The following BCAR3 variants were observed in gnomAD, a reference collection of about 807,000 sequenced individuals.
BCAR3 encodes the protein BCAR3 adaptor protein, NSP family member.
In BCAR3, 37 loss-of-function variants were observed where a neutral mutation model predicts 80.1. That is an observed-to-expected ratio of 0.46 (90% confidence interval 0.36 to 0.61). BCAR3 has a LOEUF of 0.61. Ranked by LOEUF, BCAR3 falls within the 20% of genes least tolerant of loss-of-function variation. The probability of loss-of-function intolerance (pLI) is 0.00; values close to 1 mark genes in which losing one functional copy is unlikely to be tolerated. For synonymous variants in BCAR3, 389 were observed against 418.9 expected, an observed-to-expected ratio of 0.93 and a Z score of 0.87; for missense variants, 978 against 1,068.2, an observed-to-expected ratio of 0.92 and a Z score of 1.18.
chr1:93,563,053 T>G (rs764461072), intron 11 of BCAR3, among the ~76,000 whole-genome samples: 1 of 152,218 alleles, frequency 6.6e-6, no homozygotes, highest in Non-Finnish European at 1.5e-5. Flanking sequence ...AGTTCGTTAC[T>G]TGTTTTTACC....
chr1:93,722,782 C>A lies in BCAR3; in HGVS notation c.-62-16640G>T, dbSNP rs192074918. Among the ~76,000 whole-genome samples, 247 of 152,214 alleles carry A rather than the reference C, an allele frequency of 1.6e-3. 3 individuals carry two copies. The Middle Eastern group carries it at 0.031, about 19-fold the overall frequency. ...GTGCTTTGATTGCTGACAAGGGCCG[C>A]AGACCCTCTAGTCAGGCGAACAGGC... On this transcript the variant is annotated intron_variant, in intron 2 of 13. Transcript: ENST00000370244.
intron 3 of BCAR3, among the ~76,000 whole-genome samples, chr1:93,614,470 G>T (rs1675045754): frequency 6.6e-6 from 1 of 151,940 alleles, no homozygotes; most frequent in African/African-American, 2.4e-5. Context: ...AAAGGAGGTG[G>T]CCTAAAAGTG....
At chr1:93,568,898 C>A (rs1356277792) in intron 9 of BCAR3, among the ~76,000 whole-genome samples, 1 of 152,186 alleles carries the variant, frequency 6.6e-6, no homozygotes, top group African/African-American at 2.4e-5. Flanking sequence ...TCACAGCTCA[C>A]TGTAGCCTCA....
chr1:93,678,015 A>T (rs556084371), intron 1 of BCAR3, among the ~76,000 whole-genome samples: 1 of 152,186 alleles, frequency 6.6e-6, no homozygotes, highest in Non-Finnish European at 1.5e-5. Flanking sequence ...CTTCAAGCCT[A>T]TAAGGACCAA....
intron 2 of BCAR3, among the ~76,000 whole-genome samples, chr1:93,778,609 G>C (rs920496828): frequency 6.6e-6 from 1 of 151,760 alleles, no homozygotes; most frequent in Non-Finnish European, 1.5e-5. Flanking sequence ...TCTAACGCTT[G>C]TTGCAGCCCT....
intron 3 of BCAR3, among the ~76,000 whole-genome samples, chr1:93,618,937 T>TG (rs1191944030): frequency 3.3e-4 from 48 of 147,426 alleles, no homozygotes; most frequent in African/African-American, 3.1e-4. Flanking sequence ...TTTTTTTTTT[T>TG]TGTTTTTTTT....
chr1:93,765,917 G>A (rs931879247), intron 2 of BCAR3, among the ~76,000 whole-genome samples: 9 of 151,962 alleles, frequency 5.9e-5, no homozygotes, highest in South Asian at 2.1e-4. Flanking sequence ...CACCCACCTC[G>A]GCCTCCCTAA....
intron 3 of BCAR3, among the ~76,000 whole-genome samples, chr1:93,630,946 ACCGGG>A (rs1197905331): frequency 2.0e-5 from 3 of 152,220 alleles, no homozygotes; most frequent in Non-Finnish European, 4.4e-5. Flanking sequence ...AACGGCTAAA[ACCGGG>A]CTCTGGATTT....
intron 3 of BCAR3, chr1:93,614,138 C>T: frequency 7.4e-7 from 1 of 1,352,126 alleles, no homozygotes; most frequent in Non-Finnish European, 9.5e-7. Context: ...GATCCACTCG[C>T]TCAATTCTCG....
chr1:93,729,426 T>G (rs1557668521), intron 2 of BCAR3, among the ~76,000 whole-genome samples: 2 of 152,188 alleles, frequency 1.3e-5, no homozygotes, highest in South Asian at 2.1e-4. Flanking sequence ...CTACTGGAAT[T>G]ACGGGTTCTA....
intron 2 of BCAR3, among the ~76,000 whole-genome samples, chr1:93,759,329 G>A (rs941240580): frequency 1.3e-5 from 2 of 152,116 alleles, no homozygotes; most frequent in African/African-American, 4.8e-5. Flanking sequence ...TCCAGTGTCC[G>A]GCTAATTTCC....
At chr1:93,817,093 C>G (rs1654048315) in intron 2 of BCAR3, among the ~76,000 whole-genome samples, 1 of 152,254 alleles carries the variant, frequency 6.6e-6, no homozygotes, top group Admixed American at 6.5e-5. Flanking sequence ...CTGATCCCCC[C>G]ACATCCTGTT....
chr1:93,833,380 G>A (rs145423860), intron 2 of BCAR3, among the ~76,000 whole-genome samples: 238 of 152,234 alleles, frequency 1.6e-3, no homozygotes, highest in African/African-American at 5.4e-3. Context: ...TGCATGCATT[G>A]TCATTGATAA....
chr1:93,717,563 A>G (rs1264541041), intron 2 of BCAR3, among the ~76,000 whole-genome samples: 1 of 151,982 alleles, frequency 6.6e-6, no homozygotes, highest in Non-Finnish European at 1.5e-5. Flanking sequence ...CATCTCTACT[A>G]AAAATACAAA....
intron 2 of BCAR3, among the ~76,000 whole-genome samples, chr1:93,784,127 G>A (rs907782484): frequency 6.6e-5 from 10 of 151,002 alleles, no homozygotes; most frequent in African/African-American, 2.0e-4. Flanking sequence ...CAGTTGAGCC[G>A]CATGGCTGAT....
intron 2 of BCAR3, among the ~76,000 whole-genome samples, chr1:93,734,126 T>C (rs890760291): frequency 3.3e-5 from 5 of 152,226 alleles, no homozygotes; most frequent in African/African-American, 1.2e-4. Flanking sequence ...CAGATGGAGT[T>C]CCAGGTGTCT....
At chr1:93,570,157 A>C (rs1160695853) in intron 9 of BCAR3, among the ~76,000 whole-genome samples, 2 of 152,194 alleles carry the variant, frequency 1.3e-5, no homozygotes, top group South Asian at 2.1e-4. Flanking sequence ...ATTCCCGATG[A>C]AGGCACTAAG....
intron 5 of BCAR3, among the ~76,000 whole-genome samples, chr1:93,587,065 A>G (rs1264932483): frequency 1.3e-5 from 2 of 152,210 alleles, no homozygotes; most frequent in African/African-American, 2.4e-5. Context: ...GTGAGCCACC[A>G]TGCCCAGCCC....
rs779059824 is a variant in BCAR3, at chr1:93,567,446, A to T, written c.2132T>A (p.Met711Lys). The T allele has an allele frequency of 6.2e-7, 1 of 1,614,198 alleles. No homozygotes were observed. Among genetic ancestry groups the T allele is most frequent in the Non-Finnish European group, 8.5e-7 (1 of 1,180,032 alleles). ...GCGCTCCATTAACGTCACAAGCGGC[A>T]TCAGCAGTGGGACTGATACATTGTT... ...PPNNVSVPLLMPLVTLMERQA... is the reference protein window; with the variant it reads ...PPNNVSVPLLKPLVTLMERQA... Residue 711 changes from methionine to lysine, a missense_variant, in exon 11 of 12, where the codon ATG becomes AAG. Physicochemically the swap from Met to Lys is moderately conservative, Grantham distance 95. Coordinates refer to ENST00000260502, the MANE Select transcript of BCAR3 (RefSeq NM_003567.4).
Sources: allele counts gnomAD v4.1 joint callset (sites outside exome capture counted in the v4.1 genomes callset), GRCh38; gene constraint gnomAD v4.1.1; transcripts MANE v1.5; gene names NCBI Gene and HGNC (gene_info 2026-07-23, HGNC 2026-07-21).